The following PDE4B variants were observed in gnomAD, a reference collection of about 807,000 sequenced individuals.
PDE4B encodes the protein phosphodiesterase 4B, also known as 3',5'-cyclic-AMP phosphodiesterase 4B.
In PDE4B, 20 loss-of-function variants were observed where a neutral mutation model predicts 82.2. The observed-to-expected ratio is 0.24, with a 90% CI of 0.17 to 0.35. The LOEUF is 0.35. Ranked by LOEUF, PDE4B falls within the 10% of genes least tolerant of loss-of-function variation. The pLI is 1.00. For missense variants in PDE4B, 655 were observed against 907.2 expected (o/e 0.72, Z 3.57); for synonymous variants, 320 against 318.9 (o/e 1.00, Z -0.04).
intron 1 of PDE4B, among the ~76,000 whole-genome samples, chr1:65,889,323 G>A (rs1646826984): frequency 6.6e-6 from 1 of 151,964 alleles, no homozygotes; most frequent in Non-Finnish European, 1.5e-5. Flanking sequence ...TGTACTGTTG[G>A]TTCCAATTTG....
At chr1:66,036,371 TG>T (rs923641861) in intron 3 of PDE4B, among the ~76,000 whole-genome samples, 1 of 152,204 alleles carries the variant, frequency 6.6e-6, no homozygotes, top group African/African-American at 2.4e-5. Context: ...CCTGTGCTTT[TG>T]GGGTCATATC....
intron 3 of PDE4B, among the ~76,000 whole-genome samples, chr1:66,204,231 G>C (rs1251677685): frequency 6.6e-6 from 1 of 152,180 alleles, no homozygotes; most frequent in Non-Finnish European, 1.5e-5. Flanking sequence ...GGAGTACCCG[G>C]CTGTGTGAGG....
intron 3 of PDE4B, among the ~76,000 whole-genome samples, chr1:65,934,932 C>T (rs1648043035): frequency 6.6e-6 from 1 of 152,054 alleles, no homozygotes; most frequent in South Asian, 2.1e-4. Flanking sequence ...GGCTTCTTTA[C>T]CCCATTTTTA....
chr1:66,201,983 T>G (rs1084486), intron 3 of PDE4B, among the ~76,000 whole-genome samples: 27,991 of 151,430 alleles, frequency 0.18, 2,492 homozygotes, highest in Non-Finnish European at 0.21. Flanking sequence ...TGTGGGCATT[T>G]AGTGCTATAA....
intron 7 of PDE4B, among the ~76,000 whole-genome samples, chr1:66,309,820 AAT>A (rs981601943): frequency 2.0e-5 from 3 of 152,182 alleles, no homozygotes; most frequent in Non-Finnish European, 4.4e-5. Context: ...TATACCAATA[AAT>A]AGTGTCGGTT....
At chr1:66,107,173 T>G (rs1645381202) in intron 3 of PDE4B, among the ~76,000 whole-genome samples, 1 of 151,938 alleles carries the variant, frequency 6.6e-6, no homozygotes, top group Admixed American at 6.6e-5. Context: ...ACATCTGTAT[T>G]TCTGCCTTCA....
At chr1:65,923,917 C>G (rs1328278805) in intron 3 of PDE4B, among the ~76,000 whole-genome samples, 1 of 151,726 alleles carries the variant, frequency 6.6e-6, no homozygotes, top group African/African-American at 2.4e-5. Context: ...CAAATATTTT[C>G]TCTGCCAATC....
At chr1:66,131,439 G>C (rs1333115404) in intron 3 of PDE4B, among the ~76,000 whole-genome samples, 1 of 150,172 alleles carries the variant, frequency 6.7e-6, no homozygotes, top group Non-Finnish European at 1.5e-5. Context: ...ACGTATTAAT[G>C]ACATTGAAAA....
chr1:65,809,939 T>C (rs1449756317), intron 1 of PDE4B, among the ~76,000 whole-genome samples: 1 of 152,272 alleles, frequency 6.6e-6, no homozygotes, highest in African/African-American at 2.4e-5. Context: ...GTGGATCTTT[T>C]TGGTGCTCTT....
chr1:65,864,838 G>C (rs1646493216), intron 1 of PDE4B, among the ~76,000 whole-genome samples: 1 of 152,160 alleles, frequency 6.6e-6, no homozygotes, highest in African/African-American at 2.4e-5. Context: ...AGGAGGCACG[G>C]GGTTCAGGGA....
At chr1:65,937,361 C>T (rs1648208989) in intron 3 of PDE4B, among the ~76,000 whole-genome samples, 1 of 152,194 alleles carries the variant, frequency 6.6e-6, no homozygotes, top group African/African-American at 2.4e-5. Context: ...GGCTCTGAAA[C>T]ACAGGATGTG....
At chr1:65,813,164 T>C (rs537081034) in intron 1 of PDE4B, among the ~76,000 whole-genome samples, 6 of 152,326 alleles carry the variant, frequency 3.9e-5, no homozygotes, top group African/African-American at 1.4e-4. Flanking sequence ...TTTAAATTCA[T>C]ACAGAAAATA....
intron 3 of PDE4B, among the ~76,000 whole-genome samples, chr1:66,102,495 T>C (rs1036142370): frequency 6.6e-6 from 1 of 152,076 alleles, no homozygotes; most frequent in Admixed American, 6.6e-5. Flanking sequence ...TTAGAGATGT[T>C]GATGTTTTGG....
At chr1:66,024,304 A>G (rs1653313617) in intron 3 of PDE4B, among the ~76,000 whole-genome samples, 1 of 152,124 alleles carries the variant, frequency 6.6e-6, no homozygotes, top group Non-Finnish European at 1.5e-5. Flanking sequence ...GCATCACTAT[A>G]CCTTAGAGTT....
At chr1:66,082,445 C>T (rs1570176824) in intron 3 of PDE4B, among the ~76,000 whole-genome samples, 1 of 152,110 alleles carries the variant, frequency 6.6e-6, no homozygotes, top group South Asian at 2.1e-4. Flanking sequence ...TTCTCTTTTT[C>T]CAAGGCCCAT....
chr1:65,876,781 A>C (rs1173676716), intron 1 of PDE4B, among the ~76,000 whole-genome samples: 1 of 152,162 alleles, frequency 6.6e-6, no homozygotes, highest in Non-Finnish European at 1.5e-5. Flanking sequence ...CCATTTTCAA[A>C]TTAGTGTGAT....
At chr1:65,816,243 T>TAGAGAG (rs71058432) in intron 1 of PDE4B, among the ~76,000 whole-genome samples, 1 of 141,824 alleles carries the variant, frequency 7.1e-6, no homozygotes, top group Non-Finnish European at 1.5e-5. Flanking sequence ...GAGAGAGAGA[T>TAGAGAG]AGAGAGATTT....
At chr1:66,368,100 C>G in intron 15 of PDE4B, 35 bp downstream of exon 15, 1 of 1,606,246 alleles carries the variant, frequency 6.2e-7, no homozygotes, top group Non-Finnish European at 8.5e-7. Flanking sequence ...AACACAAAAC[C>G]AAACCAAACT....
intron 3 of PDE4B, chr1:65,993,057 C>T: frequency 1.2e-6 from 2 of 1,613,928 alleles, no homozygotes; most frequent in Non-Finnish European, 1.7e-6. Flanking sequence ...ACGCAGTTCA[C>T]CAAGGAACTC....
Sources: gnomAD v4.1 joint callset for allele counts (sites outside exome capture counted in the v4.1 genomes callset) on GRCh38, gnomAD v4.1.1 for gene constraint, MANE v1.5 for transcripts, NCBI Gene and HGNC (gene_info 2026-07-23, HGNC 2026-07-21) for gene names.